CNTNAP4: variants seen among roughly 807,000 people sequenced by gnomAD.
CNTNAP4 encodes contactin associated protein family member 4.
In CNTNAP4, 98 loss-of-function variants were observed where a neutral mutation model predicts 148.4. That is an observed-to-expected ratio of 0.66 (90% CI 0.56 to 0.78). The LOEUF is 0.78. Ranked by LOEUF, CNTNAP4 falls within the 30% of genes least tolerant of loss-of-function variation. The pLI is 0.00. For synonymous variants in CNTNAP4, 730 were observed against 565.1 expected, an observed-to-expected ratio of 1.29 and a Z score of -4.14; for missense variants, 1,935 against 1,565.6, an observed-to-expected ratio of 1.24 and a Z score of -3.98.
chr16:76,389,992 T>C (rs1487308992), intron 3 of CNTNAP4, among the ~76,000 whole-genome samples: 1 of 152,144 alleles, frequency 6.6e-6, no homozygotes, highest in Non-Finnish European at 1.5e-5. Flanking sequence ...GGAAAGTAGT[T>C]AATAAGGTTT....
At chr16:76,350,724 A>T (rs369080242) in intron 2 of CNTNAP4, among the ~76,000 whole-genome samples, 1 of 152,234 alleles carries the variant, frequency 6.6e-6, no homozygotes, top group Non-Finnish European at 1.5e-5. Flanking sequence ...GGAGAAATCA[A>T]TAGGCACTTA....
intron 13 of CNTNAP4, among the ~76,000 whole-genome samples, chr16:76,490,659 C>A (rs2082184849): frequency 6.6e-6 from 1 of 152,156 alleles, no homozygotes; most frequent in Non-Finnish European, 1.5e-5. Flanking sequence ...TTAAGAAATG[C>A]TGCCCCCACT....
chr16:76,277,651 A>G lies in CNTNAP4; in HGVS notation c.-12A>G, dbSNP rs762230662. The G allele has an allele frequency of 1.3e-6, 2 of 1,588,938 alleles. No individual in the cohort carries two copies. The highest frequency in any genetic ancestry group is 2.3e-5 in the South Asian group (2 of 87,366). On this transcript the variant is annotated 5_prime_UTR_variant, in exon 1 of 24. Transcript: ENST00000611870. ...TCTCAAGATCTTTTGGGGGAGCCCAATAAATGTGAACATGGGATCTGTCAC... is the reference window on the plus strand; with the variant it reads ...TCTCAAGATCTTTTGGGGGAGCCCAGTAAATGTGAACATGGGATCTGTCAC...
intron 3 of CNTNAP4, 46 bp downstream of exon 3, chr16:76,355,557 A>T (rs759821459): frequency 1.6e-5 from 23 of 1,433,466 alleles, no homozygotes; most frequent in Non-Finnish European, 2.2e-5. Context: ...AAAAAGTATA[A>T]TCAGTACTGC....
chr16:76,350,292 G>A (rs11149893), intron 2 of CNTNAP4, among the ~76,000 whole-genome samples: 35,708 of 151,956 alleles, frequency 0.23, 4,612 homozygotes, highest in East Asian at 0.47. Context: ...CTGCACTAAA[G>A]TATTTGCATA....
rs369020116 is a variant in CNTNAP4 at position 76,540,686 on chromosome 16, G to A, written c.3355-17G>A. 1 of 1,528,512 alleles carries A rather than the reference G, an allele frequency of 6.5e-7. No homozygotes were observed. The highest frequency in any genetic ancestry group is 8.9e-7 in the Non-Finnish European group (1 of 1,126,216). The allele number at this position is 1,528,512 out of a possible 1,614,324, so 94.7% of individuals were successfully genotyped here. Reference sequence around the variant, plus strand: ...TCATCCATTTGGATGTTTTTATCTTGTGTAATAATTTTGTAGATTGACGAT... The same window carrying A: ...TCATCCATTTGGATGTTTTTATCTTATGTAATAATTTTGTAGATTGACGAT... On this transcript the variant is annotated splice_polypyrimidine_tract_variant and intron_variant, in intron 20 of 23. Transcript: ENST00000611870.
At chr16:76,519,410 GA>G (rs1216331875) in intron 15 of CNTNAP4, among the ~76,000 whole-genome samples, 2 of 151,878 alleles carry the variant, frequency 1.3e-5, no homozygotes, top group Admixed American at 6.6e-5. Context: ...GATATAATAT[GA>G]AAAAAATAAA....
intron 3 of CNTNAP4, among the ~76,000 whole-genome samples, chr16:76,406,790 A>T (rs2078612611): frequency 6.6e-6 from 1 of 152,192 alleles, no homozygotes; most frequent in South Asian, 2.1e-4. Context: ...AGGAAGCTGT[A>T]GCAGAAAGCT....
intron 1 of CNTNAP4, among the ~76,000 whole-genome samples, chr16:76,289,533 T>C (rs943817490): frequency 2.6e-5 from 4 of 151,930 alleles, no homozygotes; most frequent in Non-Finnish European, 5.9e-5. Context: ...TTAGCATTTT[T>C]TTTTTTTTTA....
chr16:76,405,347 T>A (rs140236968), intron 3 of CNTNAP4, among the ~76,000 whole-genome samples: 1 of 152,192 alleles, frequency 6.6e-6, no homozygotes, highest in East Asian at 1.9e-4. Flanking sequence ...ATTGCAACTT[T>A]CCAAATCATC....
At chr16:76,309,481 G>A (rs972153443) in intron 1 of CNTNAP4, among the ~76,000 whole-genome samples, 2 of 152,182 alleles carry the variant, frequency 1.3e-5, no homozygotes, top group Non-Finnish European at 2.9e-5. Context: ...CTGACCAGAA[G>A]TGGGGCATCC....
At chr16:76,422,625 G>A (rs1038132026) in intron 3 of CNTNAP4, among the ~76,000 whole-genome samples, 1 of 152,106 alleles carries the variant, frequency 6.6e-6, no homozygotes, top group African/African-American at 2.4e-5. Flanking sequence ...GCTAAATTAT[G>A]GGCTTTGGAG....
rs139434005 is a variant in CNTNAP4, at chr16:76,362,845, C to G, written c.390+7334C>G. On this transcript the variant is annotated intron_variant, in intron 3 of 23. Coordinates refer to ENST00000611870, the MANE Select transcript of CNTNAP4 (RefSeq NM_033401.5). ...ACAAAATAATCTGTACATAAAACCA[C>G]TGTGACATACAATTTGCCTATATAA... Among the ~76,000 whole-genome samples the G allele has an allele frequency of 3.9e-3, 598 of 152,284 alleles. 3 individuals are homozygous for G. The highest frequency in any genetic ancestry group is 0.014 in the African/African-American group (564 of 41,562).
intron 21 of CNTNAP4, among the ~76,000 whole-genome samples, chr16:76,544,710 AG>A (rs2084632211): frequency 6.6e-6 from 1 of 152,212 alleles, no homozygotes; most frequent in South Asian, 2.1e-4. Flanking sequence ...ATGTTAGATT[AG>A]TTTTATGATT....
At chr16:76,439,080 G>A (rs928609795) in intron 4 of CNTNAP4, among the ~76,000 whole-genome samples, 3 of 152,094 alleles carry the variant, frequency 2.0e-5, no homozygotes, top group Non-Finnish European at 4.4e-5. Flanking sequence ...ACACACAGGA[G>A]GATTTGCCTG....
Position 76,508,311 on chromosome 16 carries a change from A to C in CNTNAP4, c.2365+9617A>C, listed in dbSNP as rs1249991626. 3.1e-5 allele frequency among the ~76,000 whole-genome samples: 3 copies of C among 97,746 alleles called. 1 individual carries two copies. The highest frequency in any genetic ancestry group is 7.7e-5 in the African/African-American group (3 of 39,038). 64.1% of individuals were successfully genotyped at this position (97,746 alleles called of 152,430 possible). A position where few individuals can be genotyped will look rare whatever the true frequency, so the allele number is the denominator to read the frequency against. The stretch of plus-strand genomic sequence containing the variant: ...GAGTTTAGACTCTATTGAGTTATTG[A>C]TTCTGATATAAAAATCACATAGTAG... On this transcript the variant is annotated intron_variant, in intron 15 of 23. Coordinates refer to ENST00000611870, the MANE Select transcript of CNTNAP4 (RefSeq NM_033401.5).
At chr16:76,380,374 C>T (rs2015847095) in intron 3 of CNTNAP4, among the ~76,000 whole-genome samples, 1 of 152,182 alleles carries the variant, frequency 6.6e-6, no homozygotes, top group African/African-American at 2.4e-5. Context: ...CATAATCAGT[C>T]TCTCAGTCTC....
intron 2 of CNTNAP4, among the ~76,000 whole-genome samples, chr16:76,339,195 T>TG (rs76250871): frequency 6.6e-6 from 1 of 151,862 alleles, no homozygotes; most frequent in East Asian, 1.9e-4. Context: ...AGTGGTCTTT[T>TG]TAACTGTCTA....
Position 76,489,691 on chromosome 16 carries a change from G to T in CNTNAP4, c.1888G>T (p.Ala630Ser). 1 of 1,571,276 alleles carries T rather than the reference G, an allele frequency of 6.4e-7. No individual in the cohort carries two copies. The highest frequency in any genetic ancestry group is 8.7e-7 in the Non-Finnish European group (1 of 1,151,278). The change falls in exon 13 of 24, where the codon GCA becomes TCA. Residue 630 changes from alanine (A) to serine (S), a missense_variant. Coordinates refer to ENST00000611870, the MANE Select transcript of CNTNAP4 (RefSeq NM_033401.5). Reference protein sequence around the residue: ...FLLYCNMTETAWTIIQHNGSD... With the variant: ...FLLYCNMTETSWTIIQHNGSD... Reference sequence around the variant, plus strand: ...CCCCCATTTCTGCATACAAGAAACTGCATGGACCATCATACAGCACAACGG... The same window carrying T: ...CCCCCATTTCTGCATACAAGAAACTTCATGGACCATCATACAGCACAACGG...
Sources: allele counts gnomAD v4.1 joint callset (sites outside exome capture counted in the v4.1 genomes callset), GRCh38; gene constraint gnomAD v4.1.1; transcripts MANE v1.5; gene names NCBI Gene and HGNC (gene_info 2026-07-23, HGNC 2026-07-21).